Variants in JADE2 observed in about 807,000 individuals in gnomAD.
JADE2 encodes the protein E3 ubiquitin-protein ligase Jade-2.
JADE2 carries 13 observed loss-of-function variants against 85.7 expected under a neutral mutation model. The observed-to-expected ratio is 0.15, with a 90% CI of 0.10 to 0.24. JADE2 has a LOEUF of 0.24. JADE2 is among the 10% of genes least tolerant of loss of function. JADE2 has a pLI of 1.00. For synonymous variants in JADE2, 440 were observed against 456.1 expected, an observed-to-expected ratio of 0.96 and a Z score of 0.45; for missense variants, 846 against 1,115.9, an observed-to-expected ratio of 0.76 and a Z score of 3.45.
At chr5:134,528,359 A>G (rs1362870164) in intron 1 of JADE2, among the ~76,000 whole-genome samples, 1 of 152,120 alleles carries the variant, frequency 6.6e-6, no homozygotes, top group African/African-American at 2.4e-5. Context: ...AGGGCCCCAG[A>G]TGAACGCACC....
At chr5:134,553,708 A>C (rs1762745214) in intron 4 of JADE2, among the ~76,000 whole-genome samples, 1 of 152,224 alleles carries the variant, frequency 6.6e-6, no homozygotes, top group Non-Finnish European at 1.5e-5. Flanking sequence ...AGGGGGAGTC[A>C]AGTGCCTGGC....
chr5:134,578,892 C>G lies in JADE2; in HGVS notation c.2080C>G (p.Arg694Gly). The change falls in exon 12 of 12, where the codon CGG becomes GGG. Residue 694 changes from arginine (R) to glycine (G), a missense_variant. Physicochemically the swap from Arg to Gly is moderately radical, Grantham distance 125 (BLOSUM62 -2). Coordinates refer to ENST00000681547, the MANE Select transcript of JADE2 (RefSeq NM_001388185.1). The surrounding 1 kb of genome is among the most constrained non-coding windows in gnomAD (Gnocchi z 4.4). ...GCCACCTACCAGGAAGCCACCACGT[C>G]GGACATCTTCTCACTTGCCGTCCAG... is the stretch of plus-strand genomic sequence containing the variant. Reference protein sequence around the residue: ...QGPPTRKPPRRTSSHLPSSPA... With the variant: ...QGPPTRKPPRGTSSHLPSSPA... The G allele has an allele frequency of 6.2e-7, 1 of 1,613,860 alleles. No homozygotes were observed. Among genetic ancestry groups the G allele is most frequent in the Non-Finnish European group, 8.5e-7 (1 of 1,180,010 alleles).
rs769673334 is a variant in JADE2 at position 134,566,465 on chromosome 5, A to T, written c.1319A>T (p.Asn440Ile). The T allele has an allele frequency of 6.2e-7, 1 of 1,612,456 alleles. No individual in the cohort carries two copies. ...YWKLKRKANANQPLLTPKTDE... is the reference protein window; with the variant it reads ...YWKLKRKANAIQPLLTPKTDE... ...AAGCTGAAGAGGAAAGCCAATGCCA[A>T]CCAGCCGCTGCTGACCCCCAAGACC... The change falls in exon 9 of 12, where the codon AAC (asparagine) becomes ATC (isoleucine). Residue 440 changes from asparagine (N) to isoleucine (I), a missense_variant. Asn to Ile is a moderately radical substitution (Grantham distance 149). Around this residue, in one of 9 missense-constraint regions of JADE2, gnomAD observed 88 missense variants for 140.6 expected, o/e 0.63. Coordinates refer to ENST00000681547, the MANE Select transcript of JADE2 (RefSeq NM_001388185.1). This position sits in a 1 kb window ranked among gnomAD's most constrained non-coding sequence, Gnocchi z 6.7.
At chr5:134,549,895 T>C (rs906355181) in intron 3 of JADE2, among the ~76,000 whole-genome samples, 1 of 152,162 alleles carries the variant, frequency 6.6e-6, no homozygotes, top group Non-Finnish European at 1.5e-5. Flanking sequence ...ATGAATCACT[T>C]TGGGGTCAGT....
intron 4 of JADE2, among the ~76,000 whole-genome samples, chr5:134,556,786 TCA>T (rs1445217181): frequency 4.4e-5 from 4 of 90,630 alleles, no homozygotes; most frequent in Non-Finnish European, 8.7e-5. Context: ...CACACACACC[TCA>T]CACATCACAC....
chr5:134,555,217 A>C (rs1762837885), intron 4 of JADE2, among the ~76,000 whole-genome samples: 1 of 151,956 alleles, frequency 6.6e-6, no homozygotes, highest in Non-Finnish European at 1.5e-5. Flanking sequence ...AACAATGAGC[A>C]CTTGTCTCGC....
At chr5:134,572,334 A>G (rs59246141) in intron 9 of JADE2, among the ~76,000 whole-genome samples, 1,822 of 152,314 alleles carry the variant, frequency 0.012, 33 homozygotes, top group African/African-American at 0.042. Flanking sequence ...TGCAGAGCAC[A>G]TCGTGTGGAG....
At chr5:134,529,745 A>T (rs329123) in intron 1 of JADE2, among the ~76,000 whole-genome samples, 51,165 of 152,194 alleles carry the variant, frequency 0.34, 8,810 homozygotes, top group African/African-American at 0.41. Flanking sequence ...GATCAGAAGG[A>T]TCCTGCAGGT....
rs751558349 is a variant in JADE2 at position 134,538,091 on chromosome 5, G to C, written c.153+8G>C. The C allele has an allele frequency of 6.2e-7, 1 of 1,604,652 alleles. No individual in the cohort carries two copies. Among genetic ancestry groups the C allele is most frequent in the Non-Finnish European group, 8.5e-7 (1 of 1,171,344 alleles). Reference sequence around the variant, plus strand: ...GAAAAGAAGCCCTCCGAGGTGGGTAGTGATGAGCTTCCCAGAGATCTGTGG... The same window carrying C: ...GAAAAGAAGCCCTCCGAGGTGGGTACTGATGAGCTTCCCAGAGATCTGTGG... On this transcript the variant is annotated splice_region_variant and intron_variant, in intron 3 of 11. Transcript: ENST00000681547.
intron 4 of JADE2, among the ~76,000 whole-genome samples, chr5:134,558,722 G>A (rs2149966556): frequency 6.6e-6 from 1 of 152,336 alleles, no homozygotes; most frequent in African/African-American, 2.4e-5. Flanking sequence ...ATTTTTAGTA[G>A]AGATGGGGTT....
intron 3 of JADE2, among the ~76,000 whole-genome samples, chr5:134,546,259 C>G (rs796238931): frequency 7.2e-4 from 109 of 152,234 alleles, no homozygotes; most frequent in African/African-American, 2.5e-3. Flanking sequence ...GCCTCTACCT[C>G]CTGGGCTCAG....
chr5:134,578,663 G>T lies in JADE2; in HGVS notation c.1851G>T (p.Glu617Asp), dbSNP rs769972503. Reference protein sequence around the residue: ...GLLSEELLQDEETLLSFMRDP... With the variant: ...GLLSEELLQDDETLLSFMRDP... ...TGTCAGAGGAACTGCTGCAGGACGA[G>T]GAGACACTGCTCAGCTTCATGCGGG... The change falls in exon 12 of 12, where the codon GAG becomes GAT. Residue 617 changes from glutamate (E) to aspartate (D), a missense_variant. By Grantham distance (45) the Glu-to-Asp change is conservative. Coordinates refer to ENST00000681547, the MANE Select transcript of JADE2 (RefSeq NM_001388185.1). The surrounding 1 kb of genome is among the most constrained non-coding windows in gnomAD (Gnocchi z 4.4). The T allele has an allele frequency of 6.2e-7, 1 of 1,614,108 alleles. No homozygotes were observed. Among genetic ancestry groups the T allele is most frequent in the Non-Finnish European group, 8.5e-7 (1 of 1,180,032 alleles).
chr5:134,571,133 C>T (rs371690909), intron 9 of JADE2, among the ~76,000 whole-genome samples: 3 of 152,336 alleles, frequency 2.0e-5, no homozygotes, highest in East Asian at 3.9e-4. Context: ...CCTTGGCCTG[C>T]GGACATCTGT....
At chr5:134,573,535 C>T (rs1046815419) in intron 9 of JADE2, 110 bp from the exon 10 acceptor site, 23 of 774,402 alleles carry the variant, frequency 3.0e-5, no homozygotes, top group African/African-American at 1.2e-4. Context: ...TAGGCTGTGG[C>T]GGTAGCCTGT....
chr5:134,577,519 G>C (rs1020668018), intron 11 of JADE2, among the ~76,000 whole-genome samples: 4 of 152,102 alleles, frequency 2.6e-5, no homozygotes, highest in African/African-American at 9.7e-5. Flanking sequence ...CATCCTTTCT[G>C]TCCCTCTGTC....
intron 3 of JADE2, among the ~76,000 whole-genome samples, chr5:134,546,418 G>A (rs992796315): frequency 6.6e-6 from 1 of 152,176 alleles, no homozygotes; most frequent in South Asian, 2.1e-4. Context: ...CAGGACATAT[G>A]CAGTCCCTGT....
chr5:134,573,984 T>A (rs1764209959), intron 10 of JADE2: 1 of 634,328 alleles, frequency 1.6e-6, no homozygotes, highest in Non-Finnish European at 2.8e-6. Flanking sequence ...GAGGTTGGAA[T>A]GTGGGCATCA....
intron 4 of JADE2, among the ~76,000 whole-genome samples, chr5:134,552,873 A>C (rs1762673378): frequency 6.7e-6 from 1 of 150,182 alleles, no homozygotes; most frequent in South Asian, 2.1e-4. Context: ...GGGATTTGCC[A>C]TGTTGCCCGG....
chr5:134,533,616 C>G, intron 1 of JADE2: 2 of 977,068 alleles, frequency 2.0e-6, no homozygotes, highest in Non-Finnish European at 2.4e-6. Context: ...GCACCTCCCC[C>G]CCACTCCACC....
Sources: gnomAD v4.1 joint callset for allele counts (sites outside exome capture counted in the v4.1 genomes callset) on GRCh38, gnomAD v4.1.1 for gene constraint, gnomAD v4.1.1 regional missense constraint, Gnocchi (gnomAD v3.1) non-coding constraint, MANE v1.5 for transcripts, NCBI Gene and HGNC (gene_info 2026-07-23, HGNC 2026-07-21) for gene names.